GUCY2D: variants seen among roughly 807,000 people sequenced by gnomAD.
The protein encoded by GUCY2D is retinal guanylyl cyclase 1.
In GUCY2D, 70 loss-of-function variants were observed where a neutral mutation model predicts 101.3. The observed-to-expected ratio is 0.69, with a 90% CI of 0.57 to 0.84. The LOEUF (loss-of-function observed/expected upper bound fraction) is 0.84. Among genes scored for constraint, GUCY2D ranks in the 40% least tolerant of loss-of-function variants. The pLI, the probability that GUCY2D is intolerant of heterozygous loss-of-function variation, is 0.00. For synonymous variants in GUCY2D, 688 were observed against 670.7 expected (o/e 1.03, Z -0.40); for missense variants, 1,460 against 1,542.5 (o/e 0.95, Z 0.90).
At position 8,004,119 on chromosome 17, in the gene GUCY2D, A is replaced by C; in HGVS notation, c.989A>C (p.Glu330Ala). 6.3e-7 allele frequency: 1 copy of C among 1,595,796 alleles called. No homozygotes were observed. The highest frequency in any genetic ancestry group is 1.1e-5 in the South Asian group (1 of 90,798). ...CTGGACAGCCTGCGCAGGGCTCAAG[A>C]GCGCCGCGAGCTGCCCTCTGACCTC... ...SVLDSLRRAQ[E>A]RRELPSDLNL... Residue 330 changes from glutamate to alanine, a missense_variant, in exon 3 of 20, where the codon GAG becomes GCG. Physicochemically the swap from Glu to Ala is moderately radical, Grantham distance 107 (BLOSUM62 -1). Coordinates refer to ENST00000254854, the MANE Select transcript of GUCY2D (RefSeq NM_000180.4).
intron 19 of GUCY2D, among the ~76,000 whole-genome samples, chr17:8,017,184 ACG>A (rs1340903843): frequency 1.3e-5 from 2 of 152,188 alleles, no homozygotes; most frequent in Admixed American, 1.3e-4. Flanking sequence ...GGAAAGTGTC[ACG>A]CATGCTCTGC....
Position 8,011,824 on chromosome 17 carries a change from G to T in GUCY2D, c.1750-320G>T, listed in dbSNP as rs896648390. Among the ~76,000 whole-genome samples, 1 of 151,938 alleles carries T rather than the reference G, an allele frequency of 6.6e-6. No individual in the cohort carries two copies. The highest frequency in any genetic ancestry group is 1.5e-5 in the Non-Finnish European group (1 of 67,984). On this transcript the variant is annotated intron_variant, in intron 8 of 19. Transcript: ENST00000254854. The surrounding 1 kb of genome is among the most constrained non-coding windows in gnomAD (Gnocchi z 4.3). ...AGTCTGGGCAACAGAGTGAGACCTCGTGTCTAAAAAAAAAGGCTTATGATC... is the reference window on the plus strand; with the variant it reads ...AGTCTGGGCAACAGAGTGAGACCTCTTGTCTAAAAAAAAAGGCTTATGATC...
At chr17:8,016,876 T>G in intron 19 of GUCY2D, 6 of 260,346 alleles carry the variant, frequency 2.3e-5, no homozygotes, top group East Asian at 8.7e-5. Flanking sequence ...GAGACAACTC[T>G]AGGGGGCAGC....
intron 10 of GUCY2D, 38 bp downstream of exon 10, chr17:8,012,644 C>T: frequency 1.3e-6 from 2 of 1,565,588 alleles, no homozygotes; most frequent in East Asian, 2.2e-5. Flanking sequence ...CCACCGGGAT[C>T]CCCATTATTT....
At chr17:8,009,235 T>G (rs935065425) in intron 7 of GUCY2D, among the ~76,000 whole-genome samples, 27 of 152,348 alleles carry the variant, frequency 1.8e-4, no homozygotes, top group East Asian at 1.9e-4. Context: ...GTTGTATTAA[T>G]GCACTTAATA....
chr17:8,006,162 A>C (rs781017028), intron 3 of GUCY2D, among the ~76,000 whole-genome samples: 6 of 151,576 alleles, frequency 4.0e-5, no homozygotes, highest in Admixed American at 6.6e-5. Context: ...GCCAGTGGGG[A>C]GGGAGGAAGA....
chr17:8,010,297 A>G (rs925959870), intron 8 of GUCY2D, among the ~76,000 whole-genome samples: 1 of 152,194 alleles, frequency 6.6e-6, no homozygotes, highest in Non-Finnish European at 1.5e-5. Context: ...AGCCCTGGAC[A>G]TTCTGAATGA....
intron 3 of GUCY2D, among the ~76,000 whole-genome samples, chr17:8,005,635 G>C (rs911338176): frequency 2.0e-5 from 3 of 152,190 alleles, no homozygotes; most frequent in Non-Finnish European, 2.9e-5. Context: ...CCACAGCCTA[G>C]GGTGGGGACA....
intron 19 of GUCY2D, among the ~76,000 whole-genome samples, chr17:8,018,795 G>A (rs1976021591): frequency 6.6e-6 from 1 of 151,340 alleles, no homozygotes; most frequent in Admixed American, 6.6e-5. Flanking sequence ...CTCCTTAGCA[G>A]GTATTAGGAT....
Position 8,007,436 on chromosome 17 carries a change from C to T in GUCY2D, c.1474C>T (p.Leu492Phe). The T allele has an allele frequency of 6.2e-7, 1 of 1,611,900 alleles. No homozygotes were observed. The highest frequency in any genetic ancestry group is 8.5e-7 in the Non-Finnish European group (1 of 1,177,992). The change falls in exon 6 of 20, where the codon CTT (leucine) becomes TTT (phenylalanine). Residue 492 changes from leucine to phenylalanine, a missense_variant. Coordinates refer to ENST00000254854, the MANE Select transcript of GUCY2D (RefSeq NM_000180.4). Reference protein sequence around the residue: ...FLAHYVRHRLLHMQMVSGPNK... With the variant: ...FLAHYVRHRLFHMQMVSGPNK... ...CTCTTTCTCCACCAGGCACCGGCTACTTCACATGCAAATGGTCTCCGGCCC... is the reference window on the plus strand; with the variant it reads ...CTCTTTCTCCACCAGGCACCGGCTATTTCACATGCAAATGGTCTCCGGCCC...
rs1452310913 is a variant in GUCY2D, at chr17:8,003,766, C to A, written c.719C>A (p.Thr240Lys). ...LRKVRDGPRV[T>K]AVIMVMHSVL... is the part of the protein sequence containing the mutation. Reference sequence around the variant, plus strand: ...AAGGTTCGGGACGGGCCCAGGGTCACAGGTAGGCTCCCTTGCAGGGTGCGA... The same window carrying A: ...AAGGTTCGGGACGGGCCCAGGGTCAAAGGTAGGCTCCCTTGCAGGGTGCGA... The change falls in exon 2 of 20, where the codon ACA becomes AAA. Residue 240 changes from threonine (T) to lysine (K), a missense_variant and splice_region_variant. Physicochemically the swap from Thr to Lys is moderately conservative, Grantham distance 78. Transcript: ENST00000254854. The A allele has an allele frequency of 6.3e-7, 1 of 1,599,932 alleles. No individual in the cohort carries two copies.
chr17:8,019,578 G>C (rs746326156), intron 19 of GUCY2D, among the ~76,000 whole-genome samples: 30 of 152,154 alleles, frequency 2.0e-4, no homozygotes, highest in Non-Finnish European at 4.1e-4. Flanking sequence ...AGAGTTCACA[G>C]ATCTAGTGGG....
rs56130505 is a variant in GUCY2D, at chr17:8,012,602, G to T, written c.2109G>T (p.Ala703=). 6.2e-7 allele frequency: 1 copy of T among 1,612,430 alleles called. No individual in the cohort carries two copies. Among genetic ancestry groups the T allele is most frequent in the Non-Finnish European group, 8.5e-7 (1 of 1,179,244 alleles). Residue 703 remains alanine (A), a synonymous_variant, in exon 10 of 20, where the codon GCG becomes GCT. Transcript: ENST00000254854. ...AGGTGCTACCGGAGCCTCCCAGAGC[G>T]GAGGGTAAGAGTCCCCTGTGCAGAC... ...AQKVLPEPPR[A]EDQLWTAPEL...
chr17:8,018,002 A>G (rs1472681697), intron 19 of GUCY2D, among the ~76,000 whole-genome samples: 1 of 152,156 alleles, frequency 6.6e-6, no homozygotes, highest in Non-Finnish European at 1.5e-5. Flanking sequence ...CCTTTGCAGC[A>G]ATTATCAATG....
Position 8,004,134 on chromosome 17 carries a change from C to T in GUCY2D, c.1004C>T (p.Pro335Leu). ...AGGGCTCAAGAGCGCCGCGAGCTGC[C>T]CTCTGACCTCAATCTGCAGCAGGTA... ...LRRAQERREL[P>L]SDLNLQQVSP... The change falls in exon 3 of 20, where the codon CCC becomes CTC. Residue 335 changes from proline to leucine, a missense_variant. Coordinates refer to ENST00000254854, the MANE Select transcript of GUCY2D (RefSeq NM_000180.4). 1 of 1,594,332 alleles carries T rather than the reference C, an allele frequency of 6.3e-7. No homozygotes were observed. The highest frequency in any genetic ancestry group is 8.5e-7 in the Non-Finnish European group (1 of 1,175,468).
At chr17:8,018,342 G>A (rs1301942565) in intron 19 of GUCY2D, among the ~76,000 whole-genome samples, 1 of 152,022 alleles carries the variant, frequency 6.6e-6, no homozygotes, top group African/African-American at 2.4e-5. Context: ...GGATCTCAGG[G>A]CCCCACCCCA....
chr17:8,012,085 A>G (rs1350640590), intron 8 of GUCY2D, 59 bp from the exon 9 acceptor site: 1 of 1,182,400 alleles, frequency 8.5e-7, no homozygotes. Flanking sequence ...ATCTTGATTA[A>G]CAGCCCCTTC....
chr17:8,012,098 C>T (rs369607137), intron 8 of GUCY2D, 46 bp from the exon 9 acceptor site: 45 of 1,363,286 alleles, frequency 3.3e-5, no homozygotes, highest in Non-Finnish European at 4.6e-5. Context: ...GCCCCTTCCC[C>T]ACATTGCCCT....
intron 3 of GUCY2D, among the ~76,000 whole-genome samples, chr17:8,005,281 C>G (rs1230268702): frequency 6.6e-6 from 1 of 152,208 alleles, no homozygotes; most frequent in Non-Finnish European, 1.5e-5. Flanking sequence ...CTCAGATGGT[C>G]TCTGCTTCAA....
Sources: gnomAD v4.1 joint callset for allele counts (sites outside exome capture counted in the v4.1 genomes callset) on GRCh38, gnomAD v4.1.1 for gene constraint, Gnocchi (gnomAD v3.1) non-coding constraint, MANE v1.5 for transcripts, NCBI Gene and HGNC (gene_info 2026-07-23, HGNC 2026-07-21) for gene names.